Variants in SYT1 observed in about 807,000 individuals in gnomAD.
SYT1 encodes the protein synaptotagmin-1.
SYT1 carries 8 observed loss-of-function variants against 44.8 expected under a neutral mutation model. The ratio of observed to expected loss-of-function variants is 0.18; its 90% CI spans 0.10 to 0.32. The LOEUF (loss-of-function observed/expected upper bound fraction) is 0.32, where lower values mean the gene tolerates loss of function less well. Ranked by LOEUF, SYT1 falls within the 10% of genes least tolerant of loss-of-function variation. The pLI, the probability that SYT1 is intolerant of heterozygous loss-of-function variation, is 1.00. For synonymous variants in SYT1, 154 were observed against 188.8 expected, an observed-to-expected ratio of 0.82 and a Z score of 1.51; for missense variants, 286 against 509.3, an observed-to-expected ratio of 0.56 and a Z score of 4.22.
chr12:79,013,286 A>C (rs1170129309), intron 2 of SYT1, among the ~76,000 whole-genome samples: 1 of 152,048 alleles, frequency 6.6e-6, no homozygotes, highest in Non-Finnish European at 1.5e-5. Context: ...GTATTTCATA[A>C]GTATTTGTTG....
chr12:79,283,673 T>A (rs561275983), intron 4 of SYT1, among the ~76,000 whole-genome samples: 93 of 152,298 alleles, frequency 6.1e-4, no homozygotes, highest in African/African-American at 2.2e-3. Context: ...TGGAGATAGA[T>A]GCTTTTAAAT....
intron 1 of SYT1, among the ~76,000 whole-genome samples, chr12:78,878,903 A>G (rs1874312036): frequency 6.6e-6 from 1 of 151,778 alleles, no homozygotes; most frequent in South Asian, 2.1e-4. Flanking sequence ...GTCTTATAAG[A>G]CTGTCATCTC....
chr12:79,143,810 T>G (rs1258679353), intron 3 of SYT1, among the ~76,000 whole-genome samples: 3 of 152,190 alleles, frequency 2.0e-5, no homozygotes, highest in African/African-American at 4.8e-5. Context: ...TTACAGATAC[T>G]GATTACAGGC....
chr12:79,291,978 A>ATT (rs1262700025), intron 5 of SYT1, 30 bp from the exon 6 acceptor site: 1 of 1,612,454 alleles, frequency 6.2e-7, no homozygotes, highest in Admixed American at 1.7e-5. Flanking sequence ...AAACTCTGAA[A>ATT]TTCACATGTG....
At chr12:79,117,056 C>T (rs1879313569) in intron 3 of SYT1, among the ~76,000 whole-genome samples, 1 of 152,166 alleles carries the variant, frequency 6.6e-6, no homozygotes, top group Non-Finnish European at 1.5e-5. Flanking sequence ...AAGTTAAATT[C>T]TTGAGTGTAG....
At chr12:79,250,147 C>T (rs945500647) in intron 4 of SYT1, among the ~76,000 whole-genome samples, 1 of 152,064 alleles carries the variant, frequency 6.6e-6, no homozygotes, top group Admixed American at 6.6e-5. Context: ...GATACAAAAT[C>T]TATCTAAAAG....
At chr12:79,057,034 A>C (rs1209664769) in intron 3 of SYT1, among the ~76,000 whole-genome samples, 2 of 152,034 alleles carry the variant, frequency 1.3e-5, no homozygotes, top group East Asian at 3.9e-4. Context: ...TTATGCCTCT[A>C]AAGATGAGTA....
At chr12:79,002,311 A>C (rs977375130) in intron 2 of SYT1, among the ~76,000 whole-genome samples, 2 of 152,108 alleles carry the variant, frequency 1.3e-5, no homozygotes, top group African/African-American at 4.8e-5. Context: ...CAATCATGGC[A>C]TATGCTTGCT....
At chr12:79,280,668 TA>T in intron 4 of SYT1, among the ~76,000 whole-genome samples, 1 of 151,824 alleles carries the variant, frequency 6.6e-6, no homozygotes, top group East Asian at 1.9e-4. Flanking sequence ...GGACTTAAAT[TA>T]AAAAACTTCT....
chr12:79,244,209 A>T lies in SYT1; in HGVS notation c.166+26524A>T, dbSNP rs1876686178. Reference sequence around the variant, plus strand: ...CAAAAATTAAGATGCTTTAATTAATACCTTCATCACTATCATTGGCTTTGC... The same window carrying T: ...CAAAAATTAAGATGCTTTAATTAATTCCTTCATCACTATCATTGGCTTTGC... On this transcript the variant is annotated intron_variant, in intron 4 of 10. Coordinates refer to ENST00000261205, the MANE Select transcript of SYT1 (RefSeq NM_005639.3). 2.6e-5 allele frequency among the ~76,000 whole-genome samples: 4 copies of T among 152,276 alleles called. No individual in the cohort carries two copies. In the South Asian group the frequency reaches 8.3e-4, roughly 32 times the overall value.
At chr12:79,026,642 TTG>T (rs1872540683) in intron 2 of SYT1, among the ~76,000 whole-genome samples, 1 of 136,994 alleles carries the variant, frequency 7.3e-6, no homozygotes, top group African/African-American at 2.7e-5. Context: ...ATGTATAATA[TTG>T]TGTGTGTATA....
chr12:78,938,421 T>C (rs1878179712), intron 1 of SYT1, among the ~76,000 whole-genome samples: 1 of 152,184 alleles, frequency 6.6e-6, no homozygotes, highest in South Asian at 2.1e-4. Context: ...TCATAAAGTA[T>C]GAATTAGCAG....
At position 78,916,112 on chromosome 12, in the gene SYT1, C is replaced by T. The variant is rs577789539; in HGVS notation, c.-217+51003C>T. Among the ~76,000 whole-genome samples, 293 of 152,048 alleles carry T rather than the reference C, an allele frequency of 1.9e-3. 2 individuals carry two copies. Among genetic ancestry groups the T allele is most frequent in the African/African-American group, 6.6e-3 (273 of 41,500 alleles). Reference sequence around the variant, plus strand: ...TAAAACTAGAAGAAATGAACCCCAACGGAAGACTCCGGTTTCAGTTATCAG... The same window carrying T: ...TAAAACTAGAAGAAATGAACCCCAATGGAAGACTCCGGTTTCAGTTATCAG... On this transcript the variant is annotated intron_variant, in intron 1 of 10. Coordinates refer to ENST00000261205, the MANE Select transcript of SYT1 (RefSeq NM_005639.3).
At chr12:79,350,934 T>C (rs950316133) in intron 8 of SYT1, among the ~76,000 whole-genome samples, 1 of 152,192 alleles carries the variant, frequency 6.6e-6, no homozygotes, top group Non-Finnish European at 1.5e-5. Context: ...GATCCAGAAG[T>C]AATAAAATGC....
At chr12:79,236,459 C>A (rs1043937135) in intron 4 of SYT1, among the ~76,000 whole-genome samples, 2 of 152,132 alleles carry the variant, frequency 1.3e-5, no homozygotes, top group Non-Finnish European at 2.9e-5. Context: ...AATGACATTA[C>A]CCCCATCTCT....
intron 3 of SYT1, among the ~76,000 whole-genome samples, chr12:79,203,778 A>G (rs753383616): frequency 1.3e-5 from 2 of 152,194 alleles, no homozygotes; most frequent in East Asian, 1.9e-4. Flanking sequence ...CATGTCCCCA[A>G]ATTAATTCAT....
intron 2 of SYT1, among the ~76,000 whole-genome samples, chr12:78,982,060 A>G (rs1869303743): frequency 6.6e-6 from 1 of 152,168 alleles, no homozygotes; most frequent in Non-Finnish European, 1.5e-5. Context: ...AGCCCCCATC[A>G]CTTCCATTTA....
intron 3 of SYT1, among the ~76,000 whole-genome samples, chr12:79,054,763 AAGG>A (rs1194559800): frequency 2.6e-5 from 4 of 151,928 alleles, no homozygotes; most frequent in African/African-American, 9.7e-5. Flanking sequence ...TTTGCTTCAT[AAGG>A]AGAATAAAAG....
At chr12:78,951,275 G>C (rs1275476251) in intron 1 of SYT1, among the ~76,000 whole-genome samples, 1 of 152,048 alleles carries the variant, frequency 6.6e-6, no homozygotes, top group Non-Finnish European at 1.5e-5. Flanking sequence ...GGATCAGGAA[G>C]TCATCTATTT....
Sources: allele counts gnomAD v4.1 joint callset (sites outside exome capture counted in the v4.1 genomes callset), GRCh38; gene constraint gnomAD v4.1.1; transcripts MANE v1.5; gene names NCBI Gene and HGNC (gene_info 2026-07-23, HGNC 2026-07-21).